The following TRIO variants were observed in gnomAD, a reference collection of about 807,000 sequenced individuals.
TRIO encodes triple functional domain protein.
Under a neutral mutation model 351.9 loss-of-function variants are expected in TRIO, and 58 were observed. The ratio of observed to expected loss-of-function variants is 0.16; its 90% CI spans 0.13 to 0.21. The LOEUF (loss-of-function observed/expected upper bound fraction) is 0.21, where lower values mean the gene tolerates loss of function less well. Ranked by LOEUF, TRIO falls within the 10% of genes least tolerant of loss-of-function variation. The pLI is 1.00. For missense variants in TRIO, 3,201 were observed against 4,027.8 expected (o/e 0.79, Z 5.56); for synonymous variants, 1,758 against 1,595.7 (o/e 1.10, Z -2.42).
chr5:14,214,973 A>G (rs1792130566), intron 1 of TRIO, among the ~76,000 whole-genome samples: 1 of 152,234 alleles, frequency 6.6e-6, no homozygotes. Flanking sequence ...ACTTGGAGGA[A>G]GAAAGTAAAA....
At chr5:14,342,836 A>G (rs1453154054) in intron 11 of TRIO, among the ~76,000 whole-genome samples, 3 of 152,350 alleles carry the variant, frequency 2.0e-5, no homozygotes, top group South Asian at 2.1e-4. Flanking sequence ...TCTATTGTTG[A>G]AAATGCACTA....
chr5:14,216,974 C>A (rs754057470), intron 1 of TRIO, among the ~76,000 whole-genome samples: 4 of 152,202 alleles, frequency 2.6e-5, no homozygotes, highest in Non-Finnish European at 4.4e-5. Flanking sequence ...TCTTAGAAAT[C>A]TCCTACAGGG....
chr5:14,394,893 A>T (rs1300046964), intron 28 of TRIO, among the ~76,000 whole-genome samples: 2 of 152,224 alleles, frequency 1.3e-5, no homozygotes. Context: ...TTGACTACCT[A>T]AAAATTGACA....
intron 8 of TRIO, among the ~76,000 whole-genome samples, chr5:14,306,783 C>G (rs1290938859): frequency 2.0e-5 from 3 of 152,184 alleles, no homozygotes; most frequent in Non-Finnish European, 4.4e-5. Flanking sequence ...GCTTGTTGCT[C>G]TCGGCAGTTT....
Position 14,397,731 on chromosome 5 carries a change from A to G in TRIO, c.4423+577A>G, listed in dbSNP as rs149157326. Among the ~76,000 whole-genome samples the G allele has an allele frequency of 6.3e-3, 960 of 152,292 alleles. 5 individuals carry two copies. The highest frequency in any genetic ancestry group is 0.01 in the Non-Finnish European group (705 of 68,022). On this transcript the variant is annotated intron_variant, in intron 29 of 56. Transcript: ENST00000344204. ...CAGAATAAGTTTTAATCCTGCCCCAAATGCTTTTGCTAGCCTGTGTCTTTA... is the reference window on the plus strand; with the variant it reads ...CAGAATAAGTTTTAATCCTGCCCCAGATGCTTTTGCTAGCCTGTGTCTTTA...
chr5:14,321,024 G>A (rs533174837), intron 9 of TRIO, among the ~76,000 whole-genome samples: 1 of 152,334 alleles, frequency 6.6e-6, no homozygotes, highest in Non-Finnish European at 1.5e-5. Flanking sequence ...GTGCAAATTT[G>A]AGTGTTCCTG....
At chr5:14,319,075 C>G (rs1175828532) in intron 9 of TRIO, among the ~76,000 whole-genome samples, 2 of 152,158 alleles carry the variant, frequency 1.3e-5, no homozygotes, top group African/African-American at 4.8e-5. Context: ...TTAAAAACAG[C>G]AAACATGTAG....
chr5:14,379,821 G>T (rs1215810605), intron 20 of TRIO, among the ~76,000 whole-genome samples: 2 of 152,204 alleles, frequency 1.3e-5, no homozygotes, highest in Non-Finnish European at 2.9e-5. Flanking sequence ...TGCTGTTGCA[G>T]GTGGTGCCCC....
intron 49 of TRIO, among the ~76,000 whole-genome samples, chr5:14,493,844 G>A (rs1046993462): frequency 1.3e-5 from 2 of 152,220 alleles, no homozygotes; most frequent in Non-Finnish European, 2.9e-5. Flanking sequence ...CAAATAGTAA[G>A]AAGGCAAAAC....
chr5:14,143,944 G>T, intron 1 of TRIO, 62 bp downstream of exon 1: 1 of 1,023,466 alleles, frequency 9.8e-7, no homozygotes, highest in Non-Finnish European at 1.2e-6. Flanking sequence ...CCGACCCGCC[G>T]CGGAGCTGCC....
At chr5:14,380,483 G>A (rs895205737) in intron 20 of TRIO, among the ~76,000 whole-genome samples, 4 of 152,204 alleles carry the variant, frequency 2.6e-5, no homozygotes, top group African/African-American at 7.2e-5. Context: ...GCTCCAGGGC[G>A]CTCCCCAGGG....
At position 14,365,019 on chromosome 5, in the gene TRIO, T is replaced by C. The variant is rs182308944; in HGVS notation, c.2754+203T>C. On this transcript the variant is annotated intron_variant, in intron 15 of 56. Coordinates refer to ENST00000344204, the MANE Select transcript of TRIO (RefSeq NM_007118.4). The stretch of plus-strand genomic sequence containing the variant: ...CCCTAATGTGTGAAAAGGGAGCCAG[T>C]GGCCAGGACAGCTGGCTGGCTGTTC... Among the ~76,000 whole-genome samples, 3 of 152,326 alleles carry C rather than the reference T, an allele frequency of 2.0e-5. No individual in the cohort carries two copies. The East Asian group carries it at 5.8e-4, about 29-fold the overall frequency.
At chr5:14,285,141 G>A (rs137884835) in intron 3 of TRIO, among the ~76,000 whole-genome samples, 33 of 152,290 alleles carry the variant, frequency 2.2e-4, no homozygotes, top group African/African-American at 7.7e-4. Context: ...GATGTTACCC[G>A]GATTGTAACC....
intron 10 of TRIO, among the ~76,000 whole-genome samples, chr5:14,332,740 G>A (rs1260299298): frequency 2.0e-5 from 3 of 152,104 alleles, no homozygotes; most frequent in African/African-American, 7.2e-5. Context: ...CTGATTGCAA[G>A]ACAGTGGAAA....
chr5:14,364,626 A>G (rs376867660), intron 14 of TRIO, 24 bp from the exon 15 acceptor site: 13 of 1,591,692 alleles, frequency 8.2e-6, no homozygotes, highest in Non-Finnish European at 1.0e-5. Flanking sequence ...GCTGAATTCT[A>G]GGGTCTCCCT....
rs918001746 is a variant in TRIO, at chr5:14,398,825, C to T, written c.4424-55C>T. 7.4e-6 allele frequency: 11 copies of T among 1,484,044 alleles called. No individual in the cohort carries two copies. The East Asian group carries it at 2.3e-4, about 31-fold the overall frequency. 91.9% of individuals were successfully genotyped at this position (1,484,044 alleles called of 1,614,324 possible). ...AAAATACTAATAATGCTTTCTTGTG[C>T]ATCAGTTTTTATTTTTCTTTTAAAT... On this transcript the variant is annotated intron_variant, in intron 29 of 56. Coordinates refer to ENST00000344204, the MANE Select transcript of TRIO (RefSeq NM_007118.4).
intron 1 of TRIO, among the ~76,000 whole-genome samples, chr5:14,234,981 G>T (rs1215638238): frequency 1.3e-5 from 2 of 151,966 alleles, no homozygotes; most frequent in African/African-American, 4.8e-5. Flanking sequence ...GTATATAACA[G>T]GTGTTCTACT....
chr5:14,339,669 C>T (rs957337672), intron 11 of TRIO, among the ~76,000 whole-genome samples: 1 of 152,148 alleles, frequency 6.6e-6, no homozygotes, highest in African/African-American at 2.4e-5. Context: ...CACGTGTGCC[C>T]GTGTGATTGG....
chr5:14,260,424 G>T (rs574610006), intron 1 of TRIO, among the ~76,000 whole-genome samples: 38 of 152,224 alleles, frequency 2.5e-4, no homozygotes, highest in Middle Eastern at 3.4e-3. Context: ...TGCCATTTAG[G>T]GGAAAAATCT....
Sources: allele counts gnomAD v4.1 joint callset (sites outside exome capture counted in the v4.1 genomes callset), GRCh38; gene constraint gnomAD v4.1.1; transcripts MANE v1.5; gene names NCBI Gene and HGNC (gene_info 2026-07-23, HGNC 2026-07-21).